NUMB: variants seen among roughly 807,000 people sequenced by gnomAD.
NUMB encodes the protein protein numb homolog.
A neutral mutation model predicts 59.7 loss-of-function variants in NUMB; 29 were observed. The ratio of observed to expected loss-of-function variants is 0.49; its 90% confidence interval spans 0.36 to 0.66. The LOEUF is 0.66. Ranked by LOEUF, NUMB falls within the 30% of genes least tolerant of loss-of-function variation. The pLI, the probability that NUMB is intolerant of heterozygous loss-of-function variation, is 0.00. For synonymous variants in NUMB, 288 were observed against 288.2 expected (o/e 1.00, Z 0.01); for missense variants, 723 against 822.0 (o/e 0.88, Z 1.47).
intron 1 of NUMB, among the ~76,000 whole-genome samples, chr14:73,434,860 T>C (rs1897985153): frequency 1.3e-5 from 2 of 152,212 alleles, no homozygotes; most frequent in African/African-American, 4.8e-5. Flanking sequence ...GAATTATCAC[T>C]ATATGAAAGT....
intron 4 of NUMB, among the ~76,000 whole-genome samples, chr14:73,339,583 G>A (rs1013611853): frequency 1.3e-5 from 2 of 152,042 alleles, no homozygotes; most frequent in African/African-American, 4.8e-5. Flanking sequence ...ATAGACATGG[G>A]GTTTTGCTAT....
intron 1 of NUMB, among the ~76,000 whole-genome samples, chr14:73,445,650 A>G (rs1317361339): frequency 6.6e-6 from 1 of 152,194 alleles, no homozygotes; most frequent in Non-Finnish European, 1.5e-5. Flanking sequence ...GCTAACATTT[A>G]CTGGGCATTT....
At chr14:73,387,111 T>C (rs1895580074) in intron 2 of NUMB, among the ~76,000 whole-genome samples, 1 of 151,678 alleles carries the variant, frequency 6.6e-6, no homozygotes, top group Non-Finnish European at 1.5e-5. Flanking sequence ...CTCGATCTCC[T>C]GACCTCGTGA....
chr14:73,352,663 T>C (rs1334980514), intron 4 of NUMB, among the ~76,000 whole-genome samples: 2 of 146,286 alleles, frequency 1.4e-5, no homozygotes, highest in Non-Finnish European at 3.0e-5. Context: ...GCCTCCCGAG[T>C]AGCTGGGATT....
At chr14:73,367,140 A>T (rs1347262562) in intron 2 of NUMB, among the ~76,000 whole-genome samples, 159 bp from the exon 3 acceptor site, 1 of 151,904 alleles carries the variant, frequency 6.6e-6, no homozygotes, top group Admixed American at 6.6e-5. Context: ...ACTGAAGATG[A>T]TCACTCCAAG....
intron 8 of NUMB, among the ~76,000 whole-genome samples, chr14:73,289,559 G>A (rs993149139): frequency 2.6e-5 from 4 of 152,126 alleles, no homozygotes; most frequent in African/African-American, 4.8e-5. Flanking sequence ...TGAACAAGTC[G>A]TCTCACTGGA....
At chr14:73,306,465 G>A (rs972211275) in intron 6 of NUMB, among the ~76,000 whole-genome samples, 1 of 152,148 alleles carries the variant, frequency 6.6e-6, no homozygotes. Context: ...CAACCCCTTG[G>A]TCATCCATGA....
chr14:73,312,914 A>T (rs1890855092), intron 6 of NUMB, among the ~76,000 whole-genome samples: 1 of 151,938 alleles, frequency 6.6e-6, no homozygotes, highest in Non-Finnish European at 1.5e-5. Context: ...AACAGCTGAC[A>T]TATGTATTCT....
In NUMB at chr14:73,367,279, CTA is replaced by C. The variant is rs748523624; in HGVS notation, c.-100-300_-100-299del. On this transcript the variant is annotated intron_variant, in intron 2 of 12. Coordinates refer to ENST00000555238, the MANE Select transcript of NUMB (RefSeq NM_001005743.2). Reference sequence around the variant, plus strand: ...ATTATTCAATCTTTGAAATAAAATACTATATATATATATATATACACACACAC... The same window carrying C: ...ATTATTCAATCTTTGAAATAAAATACTATATATATATATATACACACACAC... 8.4e-3 allele frequency among the ~76,000 whole-genome samples: 1,029 copies of C among 122,484 alleles called. 10 individuals are homozygous for C. The highest frequency in any genetic ancestry group is 0.027 in the African/African-American group (693 of 25,514). The allele number at this position is 122,484 out of a possible 152,430, so 80.4% of individuals were successfully genotyped here. A position where few individuals can be genotyped will look rare whatever the true frequency, so the allele number is the denominator to read the frequency against.
At chr14:73,353,627 G>A (rs1334886616) in intron 4 of NUMB, among the ~76,000 whole-genome samples, 2 of 35,574 alleles carry the variant, frequency 5.6e-5, no homozygotes, top group African/African-American at 4.0e-4. Context: ...CAGGAGAATC[G>A]TTTGAACACA....
chr14:73,367,348 T>TAGAGAGAGAGAGAGAG lies in NUMB; in HGVS notation c.-100-383_-100-368dup, dbSNP rs71112740. Reference sequence around the variant, plus strand: ...ATATATACATATATATATATATATATAGAGAGAGAGAGAGAGAGAGAGAGA... The same window carrying TAGAGAGAGAGAGAGAG: ...ATATATACATATATATATATATATATAGAGAGAGAGAGAGAGAGAGAGAGAGAGAGAGAGAGAGAGA... On this transcript the variant is annotated intron_variant, in intron 2 of 12. Coordinates refer to ENST00000555238, the MANE Select transcript of NUMB (RefSeq NM_001005743.2). Among the ~76,000 whole-genome samples the TAGAGAGAGAGAGAGAG allele has an allele frequency of 4.3e-3, 452 of 105,274 alleles. 3 individuals carry two copies. Among genetic ancestry groups the TAGAGAGAGAGAGAGAG allele is most frequent in the Middle Eastern group, 9.7e-3 (2 of 206 alleles). The allele number at this position is 105,274 out of a possible 152,430, so 69.1% of individuals were successfully genotyped here.
At chr14:73,427,221 G>A (rs1235210973) in intron 1 of NUMB, among the ~76,000 whole-genome samples, 4 of 152,064 alleles carry the variant, frequency 2.6e-5, no homozygotes, top group South Asian at 2.1e-4. Context: ...GCTCACGCCT[G>A]TAATCTCAGC....
At chr14:73,440,177 GC>G (rs1374313053) in intron 1 of NUMB, among the ~76,000 whole-genome samples, 1 of 146,130 alleles carries the variant, frequency 6.8e-6, no homozygotes, top group East Asian at 2.0e-4. Context: ...AACTAATGCT[GC>G]TGGGACAACT....
intron 2 of NUMB, among the ~76,000 whole-genome samples, chr14:73,394,424 G>T (rs74681214): frequency 1.8e-5 from 2 of 108,302 alleles, no homozygotes; most frequent in Non-Finnish European, 2.0e-5. Flanking sequence ...AAAAAAAAAA[G>T]AGAGAGAGAT....
chr14:73,374,828 C>A (rs1268113632), intron 2 of NUMB, among the ~76,000 whole-genome samples: 3 of 147,746 alleles, frequency 2.0e-5, no homozygotes, highest in African/African-American at 7.5e-5. Flanking sequence ...TCAAGCGATT[C>A]TCCTGCCTCA....
At chr14:73,394,193 G>A (rs765990683) in intron 2 of NUMB, among the ~76,000 whole-genome samples, 2 of 152,140 alleles carry the variant, frequency 1.3e-5, no homozygotes, top group African/African-American at 2.4e-5. Flanking sequence ...GACCTCAGGT[G>A]ATCAACCCAC....
chr14:73,276,755 A>G lies in NUMB; in HGVS notation c.1779T>C (p.Asp593=), dbSNP rs977842941. The change falls in exon 13 of 13, where the codon GAT becomes GAC. Residue 593 remains aspartate, a synonymous_variant. Transcript: ENST00000555238. ...TGTCTGCTGAGGCCAACCTGCCATC[A>G]TCTACACCATTGAAAGCTGCAGAAC... ...LNGSAAFNGV[D]DGRLASADRH... 6.2e-7 allele frequency: 1 copy of G among 1,614,184 alleles called. No individual in the cohort carries two copies. The highest frequency in any genetic ancestry group is 1.1e-5 in the South Asian group (1 of 91,076).
intron 2 of NUMB, among the ~76,000 whole-genome samples, chr14:73,405,246 G>GTT (rs1466064138): frequency 2.6e-5 from 4 of 152,020 alleles, no homozygotes; most frequent in African/African-American, 9.7e-5. Context: ...CAAACTAGCT[G>GTT]TGAGTTTATC....
intron 5 of NUMB, among the ~76,000 whole-genome samples, chr14:73,316,734 T>C (rs965261563): frequency 1.3e-5 from 2 of 152,194 alleles, no homozygotes; most frequent in African/African-American, 2.4e-5. Context: ...CTTCCAAATT[T>C]GGCAGCAGAG....
Sources: gnomAD v4.1 joint callset for allele counts (sites outside exome capture counted in the v4.1 genomes callset) on GRCh38, gnomAD v4.1.1 for gene constraint, MANE v1.5 for transcripts, NCBI Gene and HGNC (gene_info 2026-07-23, HGNC 2026-07-21) for gene names.